Variants in CLEC18B observed in about 807,000 individuals in gnomAD.
CLEC18B encodes the protein C-type lectin domain family 18 member B, also known as mannose receptor-like 2.
A neutral mutation model predicts 60.4 loss-of-function variants in CLEC18B; 5 were observed. The observed-to-expected ratio is 0.08, with a 90% CI of 0.04 to 0.17. The LOEUF (loss-of-function observed/expected upper bound fraction) is 0.17. CLEC18B is among the 10% of genes least tolerant of loss of function. CLEC18B has a pLI of 1.00. For missense variants in CLEC18B, 26 were observed against 572.8 expected, an observed-to-expected ratio of 0.05 and a Z score of 9.74; for synonymous variants, 16 against 221.2, an observed-to-expected ratio of 0.07 and a Z score of 8.23.
At position 74,420,914 on chromosome 16, in the gene CLEC18B, G is replaced by A. The variant is rs1275936098; in HGVS notation, c.124+233C>T. Among the ~76,000 whole-genome samples the A allele has an allele frequency of 4.2e-5, 5 of 118,898 alleles. No individual in the cohort carries two copies. The East Asian group carries it at 1.4e-3, about 32-fold the overall frequency. The allele number at this position is 118,898 out of a possible 152,430, so 78.0% of individuals were successfully genotyped here. A position where few individuals can be genotyped will look rare whatever the true frequency, so the allele number is the denominator to read the frequency against. On this transcript the variant is annotated intron_variant, in intron 1 of 11. Coordinates refer to ENST00000682950, the MANE Select transcript of CLEC18B (RefSeq NM_001385193.1). ...CCAGGCCCCAGCCACAGCGCTCCTC[G>A]GCGTTCCTCCTTGACCCCAGCCCTG...
chr16:74,424,207 G>A (rs2013763472), upstream of CLEC18B, among the ~76,000 whole-genome samples: 1 of 143,122 alleles, frequency 7.0e-6, no homozygotes, highest in Non-Finnish European at 1.5e-5. Flanking sequence ...GTCTCTTCCT[G>A]AAGCAGCTCC....
At chr16:74,418,869 C>T (rs1176421904) in intron 2 of CLEC18B, among the ~76,000 whole-genome samples, 1 of 148,490 alleles carries the variant, frequency 6.7e-6, no homozygotes, top group African/African-American at 2.5e-5. Context: ...TCCCGGCTTA[C>T]TGCAACCTCC....
intron 2 of CLEC18B, among the ~76,000 whole-genome samples, chr16:74,419,156 C>T (rs549576395): frequency 1.4e-4 from 21 of 152,384 alleles, no homozygotes; most frequent in Admixed American, 6.5e-4. Flanking sequence ...TGGTGCAGTC[C>T]CCTGATCTCC....
chr16:74,412,968 C>T (rs2013244781), intron 5 of CLEC18B, 69 bp downstream of exon 5: 3 of 1,612,142 alleles, frequency 1.9e-6, no homozygotes, highest in South Asian at 2.2e-5. Context: ...GCCAGGGCTT[C>T]TGGGACAGCC....
chr16:74,414,295 T>C (rs1344348994), intron 3 of CLEC18B, among the ~76,000 whole-genome samples: 1 of 152,292 alleles, frequency 6.6e-6, no homozygotes, highest in Non-Finnish European at 1.5e-5. Context: ...GCCTTGTGAC[T>C]GCATGGTGAC....
intron 3 of CLEC18B, among the ~76,000 whole-genome samples, chr16:74,416,231 G>A (rs979072618): frequency 3.5e-5 from 5 of 144,546 alleles, no homozygotes; most frequent in African/African-American, 1.2e-4. Context: ...CCACTGCACA[G>A]CAGCCTGCGC....
chr16:74,423,810 C>G (rs1389669568), upstream of CLEC18B, among the ~76,000 whole-genome samples: 3 of 152,048 alleles, frequency 2.0e-5, no homozygotes, highest in Non-Finnish European at 4.4e-5. Context: ...GGAACCGACA[C>G]GCTGTGTGAC....
intron 2 of CLEC18B, among the ~76,000 whole-genome samples, chr16:74,418,945 C>G (rs1468332565): frequency 1.3e-5 from 2 of 152,206 alleles, no homozygotes; most frequent in Non-Finnish European, 2.9e-5. Flanking sequence ...AGCCATGTGA[C>G]ACCACACCTG....
At chr16:74,421,897 A>G (rs1390626814), upstream of CLEC18B, 12 of 140,564 alleles carry the variant, frequency 8.5e-5, no homozygotes, top group African/African-American at 3.2e-4. Flanking sequence ...CTGTGGGCTC[A>G]AAGGGGGGTG....
intron 10 of CLEC18B, 34 bp downstream of exon 10, chr16:74,410,502 G>A: frequency 6.2e-7 from 1 of 1,611,706 alleles, no homozygotes; most frequent in Non-Finnish European, 8.5e-7. Flanking sequence ...CAAGTGAGAA[G>A]GAGGCCCAGG....
chr16:74,414,349 ACT>A (rs1432202477), intron 3 of CLEC18B, among the ~76,000 whole-genome samples: 2 of 152,058 alleles, frequency 1.3e-5, no homozygotes, highest in East Asian at 1.9e-4. Context: ...TTTAAATGTG[ACT>A]CTGCAGCTTT....
At chr16:74,418,952 C>T (rs1407506576) in intron 2 of CLEC18B, among the ~76,000 whole-genome samples, 14 of 152,204 alleles carry the variant, frequency 9.2e-5, no homozygotes, top group Non-Finnish European at 1.9e-4. Flanking sequence ...TGACACCACA[C>T]CTGGCTAATT....
Position 74,421,215 on chromosome 16 carries a change from G to T in CLEC18B, c.56C>A (p.Ala19Asp), listed in dbSNP as rs766902784. The T allele has an allele frequency of 1.2e-6, 2 of 1,609,772 alleles. No individual in the cohort carries two copies. The highest frequency in any genetic ancestry group is 2.7e-5 in the African/African-American group (2 of 74,122). ...GRGHLLAVLL[A>D]LLGTTWAEVW... ...CTCTGCCCAGGTGGTGCCAAGGAGG[G>T]CCAGGAGCACAGCCAGGAGATGCCC... Residue 19 changes from alanine to aspartate, a missense_variant, in exon 1 of 12, where the codon GCC (alanine) becomes GAC (aspartate). Transcript: ENST00000682950.
chr16:74,409,914 C>A (rs2142727394), intron 10 of CLEC18B: 1 of 1,611,936 alleles, frequency 6.2e-7, no homozygotes, highest in Non-Finnish European at 8.5e-7. Flanking sequence ...AGACAGCCCA[C>A]TTGAGAGGTA....
At chr16:74,423,428 C>T (rs1440521055), upstream of CLEC18B, among the ~76,000 whole-genome samples, 1 of 152,286 alleles carries the variant, frequency 6.6e-6, no homozygotes, top group African/African-American at 2.4e-5. Flanking sequence ...ATGGCTCATG[C>T]CTGTAATCCC....
At position 74,421,204 on chromosome 16, in the gene CLEC18B, T is replaced by G; in HGVS notation, c.67A>C (p.Thr23Pro). The G allele has an allele frequency of 6.2e-7, 1 of 1,609,724 alleles. No homozygotes were observed. The highest frequency in any genetic ancestry group is 1.1e-5 in the South Asian group (1 of 90,792). Residue 23 changes from threonine (T) to proline (P), a missense_variant, in exon 1 of 12, where the codon ACC becomes CCC. Transcript: ENST00000682950. The stretch of plus-strand genomic sequence containing the variant: ...GGTGGCCACACCTCTGCCCAGGTGG[T>G]GCCAAGGAGGGCCAGGAGCACAGCC... ...LLAVLLALLG[T>P]TWAEVWPPQL...
chr16:74,419,666 G>C (rs2013588365), intron 2 of CLEC18B, among the ~76,000 whole-genome samples: 1 of 150,456 alleles, frequency 6.6e-6, no homozygotes. Flanking sequence ...CCTGAGGAGA[G>C]GCAGAGCCAC....
intron 3 of CLEC18B, among the ~76,000 whole-genome samples, chr16:74,415,078 G>A: frequency 7.2e-6 from 1 of 139,228 alleles, no homozygotes; most frequent in Non-Finnish European, 1.5e-5. Flanking sequence ...TGAATTCAAT[G>A]CAATGAAATT....
At chr16:74,420,019 A>G (rs1391958475) in intron 2 of CLEC18B, among the ~76,000 whole-genome samples, 1 of 152,276 alleles carries the variant, frequency 6.6e-6, no homozygotes. Context: ...TGGACGAGTG[A>G]GTGAGCAGAG....
Sources: allele counts gnomAD v4.1 joint callset (sites outside exome capture counted in the v4.1 genomes callset), GRCh38; gene constraint gnomAD v4.1.1; transcripts MANE v1.5; gene names NCBI Gene and HGNC (gene_info 2026-07-23, HGNC 2026-07-21).